Variants in SPON1 observed in about 807,000 individuals in gnomAD.
SPON1 encodes spondin 1.
Under a neutral mutation model 111.7 loss-of-function variants are expected in SPON1, and 52 were observed. That is an observed-to-expected ratio of 0.47 (90% confidence interval 0.37 to 0.59). SPON1 has a LOEUF of 0.59. Among genes scored for constraint, SPON1 ranks in the 20% least tolerant of loss-of-function variants. The pLI is 0.00. For synonymous variants in SPON1, 410 were observed against 395.8 expected, an observed-to-expected ratio of 1.04 and a Z score of -0.43; for missense variants, 957 against 1,068.5, an observed-to-expected ratio of 0.90 and a Z score of 1.46.
chr11:14,152,229 G>C (rs1201876250), intron 6 of SPON1, among the ~76,000 whole-genome samples: 2 of 152,124 alleles, frequency 1.3e-5, no homozygotes, highest in South Asian at 2.1e-4. Context: ...ACTGACAGAG[G>C]GACTCCTTTA....
At chr11:14,145,874 G>A (rs1457205245) in intron 6 of SPON1, among the ~76,000 whole-genome samples, 1 of 152,118 alleles carries the variant, frequency 6.6e-6, no homozygotes, top group Non-Finnish European at 1.5e-5. Context: ...TGTGTGTACT[G>A]ATACAGAATG....
intron 6 of SPON1, among the ~76,000 whole-genome samples, chr11:14,215,829 G>T (rs1848620481): frequency 1.3e-5 from 2 of 152,330 alleles, no homozygotes; most frequent in Middle Eastern, 3.4e-3. Flanking sequence ...ATTTCTGCCA[G>T]AAAGTTCCCA....
intron 5 of SPON1, among the ~76,000 whole-genome samples, chr11:14,119,661 G>A (rs1306556303): frequency 6.6e-6 from 1 of 152,182 alleles, no homozygotes; most frequent in African/African-American, 2.4e-5. Context: ...TGTAGCTGCT[G>A]CAGGCCAAGT....
At chr11:14,098,140 C>T (rs927000258) in intron 5 of SPON1, among the ~76,000 whole-genome samples, 7 of 152,194 alleles carry the variant, frequency 4.6e-5, no homozygotes, top group South Asian at 2.1e-4. Flanking sequence ...GGACTACAGG[C>T]GCCTGCCACC....
chr11:14,103,952 T>C (rs1245156894), intron 5 of SPON1, among the ~76,000 whole-genome samples: 3 of 152,224 alleles, frequency 2.0e-5, no homozygotes, highest in Non-Finnish European at 4.4e-5. Context: ...TTTGTTGCTA[T>C]GTTCTTTGAA....
intron 6 of SPON1, among the ~76,000 whole-genome samples, chr11:14,139,639 G>A (rs1168646109): frequency 6.6e-6 from 1 of 151,890 alleles, no homozygotes; most frequent in African/African-American, 2.4e-5. Flanking sequence ...TGGAGATGCA[G>A]CAGTAATTAA....
At chr11:13,966,900 C>A (rs1465009389) in intron 1 of SPON1, among the ~76,000 whole-genome samples, 1 of 152,068 alleles carries the variant, frequency 6.6e-6, no homozygotes, top group African/African-American at 2.4e-5. Flanking sequence ...TAATTCATGT[C>A]AAAAGAAATT....
intron 5 of SPON1, among the ~76,000 whole-genome samples, chr11:14,086,351 A>T (rs192212081): frequency 6.6e-6 from 1 of 152,326 alleles, no homozygotes; most frequent in East Asian, 1.9e-4. Context: ...AGTTTTTAGC[A>T]TGAAGCAGTG....
intron 6 of SPON1, among the ~76,000 whole-genome samples, chr11:14,148,692 C>G (rs1847753503): frequency 6.6e-6 from 1 of 152,180 alleles, no homozygotes; most frequent in South Asian, 2.1e-4. Context: ...TTTGACTTCC[C>G]TCCTGGTACT....
At chr11:14,029,601 G>A (rs559107335) in intron 2 of SPON1, among the ~76,000 whole-genome samples, 38 of 152,252 alleles carry the variant, frequency 2.5e-4, no homozygotes, top group African/African-American at 8.7e-4. Context: ...TCACCACATA[G>A]CAACGGGAGA....
At chr11:14,254,757 T>C (rs1442265579) in intron 8 of SPON1, 28 bp downstream of exon 8, 1 of 1,606,502 alleles carries the variant, frequency 6.2e-7, no homozygotes, top group Non-Finnish European at 8.5e-7. Context: ...GAGTGGTGAG[T>C]GGCTCCTTGC....
At chr11:14,222,147 CA>C (rs1848687287) in intron 6 of SPON1, among the ~76,000 whole-genome samples, 2 of 152,034 alleles carry the variant, frequency 1.3e-5, no homozygotes, top group Non-Finnish European at 2.9e-5. Context: ...TGTGTAAGTA[CA>C]AAAAAAATTT....
chr11:14,067,940 A>G (rs1848845419), intron 3 of SPON1, among the ~76,000 whole-genome samples: 1 of 152,212 alleles, frequency 6.6e-6, no homozygotes, highest in Non-Finnish European at 1.5e-5. Flanking sequence ...CACAAACAAT[A>G]GCTTATTCAT....
At chr11:14,233,717 T>C (rs7112471) in intron 6 of SPON1, among the ~76,000 whole-genome samples, 47,981 of 150,102 alleles carry the variant, frequency 0.32, 7,983 homozygotes, top group Admixed American at 0.41. Flanking sequence ...GCAGTGGGGA[T>C]GGGAATCATG....
chr11:14,020,460 G>T (rs1390667409), intron 2 of SPON1, among the ~76,000 whole-genome samples: 1 of 152,226 alleles, frequency 6.6e-6, no homozygotes, highest in Non-Finnish European at 1.5e-5. Context: ...TCTATCATAT[G>T]CAGTTGGTAG....
chr11:14,267,476 T>C lies in SPON1; in HGVS notation c.*1789T>C, dbSNP rs1849285919. On this transcript the variant is annotated 3_prime_UTR_variant, in exon 16 of 16. Transcript: ENST00000576479. ...AAAGTCCTCATGTAGAAGCACCCACTTTTGCAATGTTGTTCTAAGCTATCT... is the reference window on the plus strand; with the variant it reads ...AAAGTCCTCATGTAGAAGCACCCACCTTTGCAATGTTGTTCTAAGCTATCT... The C allele has an allele frequency of 6.6e-6, 1 of 152,228 alleles. No homozygotes were observed. The highest frequency in any genetic ancestry group is 1.5e-5 in the Non-Finnish European group (1 of 68,048). 9.4% of individuals were successfully genotyped at this position (152,228 alleles called of 1,614,324 possible).
At chr11:14,063,393 T>G (rs1233115361) in intron 3 of SPON1, among the ~76,000 whole-genome samples, 2 of 152,202 alleles carry the variant, frequency 1.3e-5, no homozygotes, top group African/African-American at 4.8e-5. Context: ...GTTCTTGGTT[T>G]CCTTCCTTCC....
chr11:14,213,747 A>G (rs541575688), intron 6 of SPON1, among the ~76,000 whole-genome samples: 1 of 152,358 alleles, frequency 6.6e-6, no homozygotes, highest in African/African-American at 2.4e-5. Context: ...TAAAGTCAGT[A>G]CATAAGCCAC....
In SPON1 at chr11:14,160,483, A is replaced by ATATATATATATTTATATATATATT. The variant is rs1564918957; in HGVS notation, c.825+24929_825+24930insTATATATATTTATATATATATTTA. On this transcript the variant is annotated intron_variant, in intron 6 of 15. Coordinates refer to ENST00000576479, the MANE Select transcript of SPON1 (RefSeq NM_006108.4). ...TATATATATATTTATATATATATTT[A>ATATATATATATTTATATATATATT]TATATATATATTTACATATATATAT... Among the ~76,000 whole-genome samples the ATATATATATATTTATATATATATT allele has an allele frequency of 1.5e-3, 10 of 6,668 alleles. 4 individuals carry two copies. The highest frequency in any genetic ancestry group is 2.6e-3 in the Non-Finnish European group (10 of 3,898). The allele number at this position is 6,668 out of a possible 152,430, so 4.4% of individuals were successfully genotyped here. A position where few individuals can be genotyped will look rare whatever the true frequency, so the allele number is the denominator to read the frequency against.
Sources: allele counts gnomAD v4.1 joint callset (sites outside exome capture counted in the v4.1 genomes callset), GRCh38; gene constraint gnomAD v4.1.1; transcripts MANE v1.5; gene names NCBI Gene and HGNC (gene_info 2026-07-23, HGNC 2026-07-21).